The following SLC1A2 variants were observed in gnomAD, a reference collection of about 807,000 sequenced individuals.
SLC1A2 encodes the protein solute carrier family 1 member 2.
In SLC1A2, 15 loss-of-function variants were observed where a neutral mutation model predicts 48.8. The observed-to-expected ratio is 0.31, with a 90% CI of 0.21 to 0.47. SLC1A2 has a LOEUF of 0.47. SLC1A2 is among the 20% of genes least tolerant of loss of function. The pLI, the probability that SLC1A2 is intolerant of heterozygous loss-of-function variation, is 0.99. For missense variants in SLC1A2, 502 were observed against 730.5 expected (o/e 0.69, Z 3.61); for synonymous variants, 279 against 272.6 (o/e 1.02, Z -0.23).
In SLC1A2 at chr11:35,255,020, C is replaced by A. The variant is rs144238330; in HGVS notation, c.*5874G>T. The A allele has an allele frequency of 6.9e-4, 199 of 290,314 alleles. 1 individual carries two copies. Among genetic ancestry groups the A allele is most frequent in the African/African-American group, 4.3e-3 (193 of 44,680 alleles). 18.0% of individuals were successfully genotyped at this position (290,314 alleles called of 1,614,324 possible). On this transcript the variant is annotated 3_prime_UTR_variant, in exon 11 of 11. Transcript: ENST00000278379. The stretch of plus-strand genomic sequence containing the variant: ...GAAGAAATTGTGTTTATCTTGCTGC[C>A]CTTGCATCAGGTTTTTTGCACTAAT...
At chr11:35,416,595 C>T (rs1343068122) in intron 1 of SLC1A2, among the ~76,000 whole-genome samples, 7 of 152,212 alleles carry the variant, frequency 4.6e-5, no homozygotes, top group Non-Finnish European at 1.0e-4. Flanking sequence ...CCAGAATGGT[C>T]AGTTTCCCAT....
chr11:35,408,761 C>G (rs1855375425), intron 1 of SLC1A2, among the ~76,000 whole-genome samples: 1 of 152,196 alleles, frequency 6.6e-6, no homozygotes. Flanking sequence ...ATCATTCACA[C>G]TCTTTTATTT....
At chr11:35,342,656 C>T (rs1036574772) in intron 1 of SLC1A2, among the ~76,000 whole-genome samples, 3 of 151,868 alleles carry the variant, frequency 2.0e-5, no homozygotes, top group Admixed American at 1.3e-4. Context: ...TGTGGTGGCT[C>T]ATGCCTGTAA....
chr11:35,302,212 A>C (rs1851376438), intron 5 of SLC1A2, among the ~76,000 whole-genome samples: 1 of 152,248 alleles, frequency 6.6e-6, no homozygotes, highest in African/African-American at 2.4e-5. Context: ...GGAGAAAAAA[A>C]TACTGAAAAA....
intron 1 of SLC1A2, among the ~76,000 whole-genome samples, chr11:35,393,898 C>T (rs1854864345): frequency 6.6e-6 from 1 of 152,178 alleles, no homozygotes; most frequent in African/African-American, 2.4e-5. Context: ...TCACCCTTTT[C>T]CTCTTCTTCC....
At chr11:35,344,839 C>G (rs1015373359) in intron 1 of SLC1A2, among the ~76,000 whole-genome samples, 1 of 152,208 alleles carries the variant, frequency 6.6e-6, no homozygotes, top group Non-Finnish European at 1.5e-5. Context: ...CTCACTCACC[C>G]TCTCTGTAAC....
intron 1 of SLC1A2, among the ~76,000 whole-genome samples, chr11:35,337,234 T>G (rs140931509): frequency 7.4e-4 from 113 of 152,132 alleles, no homozygotes; most frequent in African/African-American, 2.6e-3. Flanking sequence ...GATGGGGGAT[T>G]AAAGAAGACT....
intron 1 of SLC1A2, among the ~76,000 whole-genome samples, chr11:35,342,377 C>T (rs899855069): frequency 6.6e-6 from 1 of 152,178 alleles, no homozygotes; most frequent in Non-Finnish European, 1.5e-5. Context: ...TACCTCCAAG[C>T]TCACCCGATG....
chr11:35,293,963 ATGCTGTGGGGAT>A (rs1320504802), intron 6 of SLC1A2, among the ~76,000 whole-genome samples: 1 of 152,124 alleles, frequency 6.6e-6, no homozygotes, highest in Non-Finnish European at 1.5e-5. Flanking sequence ...CCTCATGGAG[ATGCTGTGGGGAT>A]TAAATTTTTG....
intron 1 of SLC1A2, among the ~76,000 whole-genome samples, chr11:35,334,451 T>A (rs910846449): frequency 6.6e-6 from 1 of 152,212 alleles, no homozygotes; most frequent in Non-Finnish European, 1.5e-5. Context: ...AATCACGTTG[T>A]TGTTACTAAA....
chr11:35,310,838 AT>A (rs1287249213), intron 4 of SLC1A2, among the ~76,000 whole-genome samples: 2 of 152,194 alleles, frequency 1.3e-5, no homozygotes, highest in African/African-American at 2.4e-5. Context: ...TTTTAAAAAA[AT>A]CTCAAGTTTA....
At chr11:35,263,220 C>A (rs775734736) in intron 10 of SLC1A2, among the ~76,000 whole-genome samples, 14 of 152,258 alleles carry the variant, frequency 9.2e-5, no homozygotes, top group Middle Eastern at 3.4e-3. Flanking sequence ...AATCCCAGCA[C>A]CTTGGGAGGC....
chr11:35,343,264 C>A (rs773924175), intron 1 of SLC1A2, among the ~76,000 whole-genome samples: 1 of 152,216 alleles, frequency 6.6e-6, no homozygotes, highest in Non-Finnish European at 1.5e-5. Context: ...ACCGACTGGA[C>A]CCAACATAGC....
chr11:35,334,335 T>C, intron 1 of SLC1A2, among the ~76,000 whole-genome samples: 1 of 152,206 alleles, frequency 6.6e-6, no homozygotes, highest in Non-Finnish European at 1.5e-5. Context: ...GGTTCCATCA[T>C]TGTACAGATG....
chr11:35,417,520 T>C (rs1412650435), intron 1 of SLC1A2, among the ~76,000 whole-genome samples: 1 of 152,256 alleles, frequency 6.6e-6, no homozygotes, highest in African/African-American at 2.4e-5. Context: ...TAACTAAACA[T>C]GGTAAGACAC....
intron 9 of SLC1A2, among the ~76,000 whole-genome samples, chr11:35,279,292 C>T (rs948580799): frequency 5.9e-5 from 9 of 152,228 alleles, no homozygotes; most frequent in African/African-American, 2.2e-4. Context: ...CCATTCCAAC[C>T]CCCTTGTCGA....
intron 6 of SLC1A2, chr11:35,297,776 T>C (rs930615400): frequency 1.3e-5 from 2 of 152,196 alleles, no homozygotes. Flanking sequence ...GAATTGATGA[T>C]AATATTGGTA....
intron 9 of SLC1A2, among the ~76,000 whole-genome samples, chr11:35,276,733 C>T (rs1850454742): frequency 6.6e-6 from 1 of 152,202 alleles, no homozygotes; most frequent in Non-Finnish European, 1.5e-5. Flanking sequence ...GACTTGAATT[C>T]TAAGGGTGGC....
chr11:35,385,266 A>G (rs904577104), intron 1 of SLC1A2, among the ~76,000 whole-genome samples: 2 of 152,216 alleles, frequency 1.3e-5, no homozygotes, highest in South Asian at 2.1e-4. Flanking sequence ...TTTTCAGTAC[A>G]TAGAAGAGAG....
Sources: gnomAD v4.1 joint callset for allele counts (sites outside exome capture counted in the v4.1 genomes callset) on GRCh38, gnomAD v4.1.1 for gene constraint, MANE v1.5 for transcripts, NCBI Gene and HGNC (gene_info 2026-07-23, HGNC 2026-07-21) for gene names.